The following SLC38A12 variants were observed in gnomAD, a reference collection of about 807,000 sequenced individuals.
The protein encoded by SLC38A12 is putative sodium-coupled neutral amino acid transporter 12.
chr17:74,836,047 T>C, the SLC38A12 span: 2 of 1,613,054 alleles, frequency 1.2e-6, no homozygotes, highest in East Asian at 4.5e-5. This position sits in a 1 kb window ranked among gnomAD's most constrained non-coding sequence, Gnocchi z 4.2. Context: ...GTCTACTCCT[T>C]CATGTGCCAG....
At chr17:74,800,494 G>T in the SLC38A12 span, among the ~76,000 whole-genome samples, 3 of 152,264 alleles carry the variant, frequency 2.0e-5, no homozygotes, top group Non-Finnish European at 4.4e-5. Flanking sequence ...GTGCCCTGGG[G>T]CTGTGGCATC....
At chr17:74,784,887 A>C in the SLC38A12 span, among the ~76,000 whole-genome samples, 1 of 152,144 alleles carries the variant, frequency 6.6e-6, no homozygotes, top group African/African-American at 2.4e-5. Flanking sequence ...AACCTTGTGA[A>C]TATTACTAAA....
the SLC38A12 span, among the ~76,000 whole-genome samples, chr17:74,781,304 T>TA: frequency 6.6e-6 from 1 of 151,724 alleles, no homozygotes; most frequent in Middle Eastern, 3.4e-3. Context: ...ATTACTTTCT[T>TA]TTTTTTTTCT....
the SLC38A12 span, among the ~76,000 whole-genome samples, chr17:74,779,622 A>G: frequency 6.6e-6 from 1 of 152,080 alleles, no homozygotes; most frequent in African/African-American, 2.4e-5. Flanking sequence ...TGTGGAACTA[A>G]CTCACTGCTG....
At chr17:74,777,400 T>G in the SLC38A12 span, 3 of 1,614,130 alleles carry the variant, frequency 1.9e-6, no homozygotes, top group Middle Eastern at 1.6e-4. Flanking sequence ...TAGAACCTTT[T>G]GCTCACTTAA....
chr17:74,777,192 G>A, the SLC38A12 span: 8 of 891,520 alleles, frequency 9.0e-6, no homozygotes, highest in Non-Finnish European at 9.2e-6. Context: ...AGGTGGCAGG[G>A]GAAGTCTGCA....
At chr17:74,814,345 C>T in the SLC38A12 span, among the ~76,000 whole-genome samples, 9 of 151,584 alleles carry the variant, frequency 5.9e-5, no homozygotes, top group South Asian at 2.1e-4. Flanking sequence ...GGTGGGGAGC[C>T]GGGCACCCCA....
the SLC38A12 span, among the ~76,000 whole-genome samples, chr17:74,821,667 C>G: frequency 6.6e-6 from 1 of 152,314 alleles, no homozygotes; most frequent in South Asian, 2.1e-4. Context: ...TGGGTAAGAC[C>G]TGGTGGTCTC....
At chr17:74,805,697 C>T in the SLC38A12 span, among the ~76,000 whole-genome samples, 1 of 152,230 alleles carries the variant, frequency 6.6e-6, no homozygotes, top group South Asian at 2.1e-4. This position sits in a 1 kb window ranked among gnomAD's most constrained non-coding sequence, Gnocchi z 5.0. Flanking sequence ...GCCTGTGCAG[C>T]CCTCTCTGCA....
chr17:74,785,942 T>A, the SLC38A12 span, among the ~76,000 whole-genome samples: 1 of 152,234 alleles, frequency 6.6e-6, no homozygotes, highest in Non-Finnish European at 1.5e-5. Flanking sequence ...ACCATCAAGT[T>A]TTGCTGTCTG....
chr17:74,836,925 G>T, the SLC38A12 span: 1 of 1,349,760 alleles, frequency 7.4e-7, no homozygotes. The surrounding 1 kb of genome is among the most constrained non-coding windows in gnomAD (Gnocchi z 4.2). Context: ...GTGACGCGTG[G>T]CTGCTCCCAA....
At chr17:74,815,133 C>T in the SLC38A12 span, among the ~76,000 whole-genome samples, 3 of 152,128 alleles carry the variant, frequency 2.0e-5, no homozygotes, top group African/African-American at 7.2e-5. Context: ...CCTCTCCAGC[C>T]CCCCAGTTTC....
the SLC38A12 span, among the ~76,000 whole-genome samples, chr17:74,829,629 G>C: frequency 6.6e-6 from 1 of 152,194 alleles, no homozygotes; most frequent in South Asian, 2.1e-4. The surrounding 1 kb of genome is among the most constrained non-coding windows in gnomAD (Gnocchi z 4.1). Context: ...CAGTCATGGG[G>C]ATGAGGAAAA....
chr17:74,831,546 C>G, the SLC38A12 span, among the ~76,000 whole-genome samples: 45,117 of 152,148 alleles, frequency 0.3, 6,951 homozygotes, highest in East Asian at 0.44. Flanking sequence ...CCTGTGTCAG[C>G]CTCCTCCTCT....
the SLC38A12 span, among the ~76,000 whole-genome samples, chr17:74,812,222 A>G: frequency 6.6e-6 from 1 of 151,706 alleles, no homozygotes; most frequent in South Asian, 2.1e-4. Flanking sequence ...GCATGCTTTG[A>G]GGGGTTCAGG....
At chr17:74,832,039 C>A in the SLC38A12 span, among the ~76,000 whole-genome samples, 1 of 152,058 alleles carries the variant, frequency 6.6e-6, no homozygotes, top group South Asian at 2.1e-4. Context: ...GAACTTTGCT[C>A]CTCCCGCAGC....
the SLC38A12 span, chr17:74,795,540 G>A: frequency 1.9e-6 from 3 of 1,614,054 alleles, no homozygotes; most frequent in Non-Finnish European, 2.5e-6. Context: ...CACTGGCAAT[G>A]ACTCCTGCGG....
chr17:74,789,480 A>C, the SLC38A12 span, among the ~76,000 whole-genome samples: 11 of 148,662 alleles, frequency 7.4e-5, no homozygotes, highest in Non-Finnish European at 1.5e-4. Flanking sequence ...CAGTGAGCTG[A>C]GATTGTGCCA....
At chr17:74,827,593 G>T in the SLC38A12 span, among the ~76,000 whole-genome samples, 1 of 152,102 alleles carries the variant, frequency 6.6e-6, no homozygotes, top group East Asian at 1.9e-4. This position sits in a 1 kb window ranked among gnomAD's most constrained non-coding sequence, Gnocchi z 4.7. Context: ...ACCGTGCCCG[G>T]CCGCATCTGC....
Sources: gnomAD v4.1 joint callset for allele counts (sites outside exome capture counted in the v4.1 genomes callset) on GRCh38, gnomAD v4.1.1 for gene constraint, Gnocchi (gnomAD v3.1) non-coding constraint, MANE v1.5 for transcripts, NCBI Gene and HGNC (gene_info 2026-07-23, HGNC 2026-07-21) for gene names.